The following MINDY3 variants were observed in gnomAD, a reference collection of about 807,000 sequenced individuals.
The protein encoded by MINDY3 is MINDY lysine 48 deubiquitinase 3, also known as ubiquitin carboxyl-terminal hydrolase MINDY-3.
In MINDY3, 38 loss-of-function variants were observed where a neutral mutation model predicts 69.2. The ratio of observed to expected loss-of-function variants is 0.55; its 90% CI spans 0.42 to 0.72. MINDY3 has a LOEUF of 0.72. Among genes scored for constraint, MINDY3 ranks in the 30% least tolerant of loss-of-function variants. The probability of loss-of-function intolerance (pLI) is 0.00; values close to 1 mark genes in which losing one functional copy is unlikely to be tolerated. For synonymous variants in MINDY3, 192 were observed against 180.1 expected (o/e 1.07, Z -0.53); for missense variants, 522 against 519.0 (o/e 1.01, Z -0.06).
intron 11 of MINDY3, among the ~76,000 whole-genome samples, chr10:15,791,563 G>A (rs1389231285): frequency 6.6e-6 from 1 of 151,956 alleles, no homozygotes; most frequent in Admixed American, 6.6e-5. Flanking sequence ...AGAGGGCAGA[G>A]CAGCCAGGAT....
At chr10:15,853,928 G>GAC (rs1812506922) in intron 1 of MINDY3, among the ~76,000 whole-genome samples, 5 of 152,094 alleles carry the variant, frequency 3.3e-5, no homozygotes, top group Admixed American at 3.3e-4. Flanking sequence ...CTGTGACTCT[G>GAC]ACAGCTTCTC....
chr10:15,848,074 G>C, intron 1 of MINDY3, 131 bp from the exon 2 acceptor site: 1 of 711,340 alleles, frequency 1.4e-6, no homozygotes, highest in Non-Finnish European at 2.4e-6. Flanking sequence ...ATGAGGTGTG[G>C]ATCAAGGAAC....
intron 11 of MINDY3, 74 bp from the exon 12 acceptor site, chr10:15,789,393 TC>T: frequency 8.7e-7 from 1 of 1,154,064 alleles, no homozygotes; most frequent in Non-Finnish European, 1.3e-6. Flanking sequence ...CTGATCAGGT[TC>T]CAGGAAAAAA....
At chr10:15,837,810 T>A in intron 5 of MINDY3, 1 of 979,234 alleles carries the variant, frequency 1.0e-6, no homozygotes, top group East Asian at 1.1e-4. Flanking sequence ...CTTTACCTTT[T>A]ACTTTGTAAT....
intron 10 of MINDY3, among the ~76,000 whole-genome samples, chr10:15,812,335 C>T (rs1839062877): frequency 6.6e-6 from 1 of 152,162 alleles, no homozygotes; most frequent in Non-Finnish European, 1.5e-5. Flanking sequence ...AAATATTACT[C>T]ACAACATCTT....
intron 1 of MINDY3, among the ~76,000 whole-genome samples, chr10:15,849,632 C>G (rs948236932): frequency 6.6e-6 from 1 of 152,000 alleles, no homozygotes; most frequent in African/African-American, 2.4e-5. Context: ...GGGGCAAAGG[C>G]TTGGTACAAA....
At chr10:15,786,335 T>TA (rs1399658071) in intron 13 of MINDY3, among the ~76,000 whole-genome samples, 1 of 152,170 alleles carries the variant, frequency 6.6e-6, no homozygotes, top group African/African-American at 2.4e-5. Flanking sequence ...TCATTATGTG[T>TA]ATAGACTGGT....
intron 2 of MINDY3, 46 bp downstream of exon 2, chr10:15,847,818 G>T: frequency 7.3e-7 from 1 of 1,378,716 alleles, no homozygotes; most frequent in Non-Finnish European, 1.0e-6. Flanking sequence ...AGTATGAAAC[G>T]TTTCAAAATG....
chr10:15,841,582 G>A lies in MINDY3; in HGVS notation c.253C>T (p.Leu85Phe), dbSNP rs746801132. 4.4e-6 allele frequency: 7 copies of A among 1,606,306 alleles called. No homozygotes were observed. The Admixed American group carries it at 1.0e-4, about 23-fold the overall frequency. ...ATATCACACAAGGTATGACAAAGGA[G>A]TTCCTTCTGCTCTTCCTCTAAAAAT... ...RDCSEEEQKE[L>F]LCHTLCDILE... The change falls in exon 4 of 15, where the codon CTC becomes TTC. Residue 85 changes from leucine (L) to phenylalanine (F), a missense_variant. Leu to Phe is a conservative substitution (Grantham distance 22). Coordinates refer to ENST00000277632, the MANE Select transcript of MINDY3 (RefSeq NM_024948.4).
chr10:15,842,818 GT>G (rs1156901979), intron 3 of MINDY3, among the ~76,000 whole-genome samples: 1 of 146,188 alleles, frequency 6.8e-6, no homozygotes, highest in Non-Finnish European at 1.5e-5. Flanking sequence ...ATTATTTGCA[GT>G]ATTTGCATTG....
chr10:15,833,613 A>G lies in MINDY3; in HGVS notation c.730+17T>C, dbSNP rs1230255858. On this transcript the variant is annotated intron_variant, in intron 8 of 14. Coordinates refer to ENST00000277632, the MANE Select transcript of MINDY3 (RefSeq NM_024948.4). ...ATTATTCATCAAAGAGAGCAACATA[A>G]CAAGGAATATACTTACTCATTCCTG... 3 of 1,470,120 alleles carry G rather than the reference A, an allele frequency of 2.0e-6. No homozygotes were observed. Among genetic ancestry groups the G allele is most frequent in the Non-Finnish European group, 1.9e-6 (2 of 1,051,514 alleles). The allele number at this position is 1,470,120 out of a possible 1,614,324, so 91.1% of individuals were successfully genotyped here. A position where few individuals can be genotyped will look rare whatever the true frequency, so the allele number is the denominator to read the frequency against.
At chr10:15,827,502 C>A (rs1323749426) in intron 8 of MINDY3, among the ~76,000 whole-genome samples, 1 of 151,388 alleles carries the variant, frequency 6.6e-6, no homozygotes, top group Non-Finnish European at 1.5e-5. Flanking sequence ...AGGATCGTGC[C>A]ACTGCACTCC....
At chr10:15,843,091 A>C in intron 3 of MINDY3, 121 bp downstream of exon 3, 1 of 807,086 alleles carries the variant, frequency 1.2e-6, no homozygotes, top group Non-Finnish European at 2.0e-6. Flanking sequence ...TTTCTAAAAC[A>C]TTTTAAAAGG....
At chr10:15,801,785 G>A (rs1314761988) in intron 10 of MINDY3, among the ~76,000 whole-genome samples, 1 of 152,020 alleles carries the variant, frequency 6.6e-6, no homozygotes, top group Non-Finnish European at 1.5e-5. Flanking sequence ...ATTCCTGCTA[G>A]AGAACACTGT....
chr10:15,781,750 C>T (rs1238794867), intron 14 of MINDY3, among the ~76,000 whole-genome samples: 1 of 152,142 alleles, frequency 6.6e-6, no homozygotes, highest in Non-Finnish European at 1.5e-5. Context: ...CGGGTAAATG[C>T]TCAATATATG....
intron 1 of MINDY3, among the ~76,000 whole-genome samples, chr10:15,856,100 T>G (rs75088045): frequency 0.14 from 20,673 of 151,988 alleles, 3,339 homozygotes; most frequent in African/African-American, 0.39. Flanking sequence ...AAAAAACTTT[T>G]AAACGATGTG....
At chr10:15,787,415 A>T (rs1382492884) in intron 12 of MINDY3, among the ~76,000 whole-genome samples, 7 of 152,156 alleles carry the variant, frequency 4.6e-5, no homozygotes, top group Admixed American at 3.9e-4. Context: ...GCTATCTCAA[A>T]CTATAAAGGC....
chr10:15,791,357 A>G (rs969541803), intron 11 of MINDY3, among the ~76,000 whole-genome samples: 6 of 152,030 alleles, frequency 3.9e-5, no homozygotes, highest in Non-Finnish European at 8.8e-5. Context: ...CTCCCTAGAG[A>G]ATAAGGAAAC....
At chr10:15,841,384 A>G in intron 4 of MINDY3, 42 bp downstream of exon 4, 1 of 1,496,644 alleles carries the variant, frequency 6.7e-7, no homozygotes, top group Non-Finnish European at 9.1e-7. Flanking sequence ...ATTAAAACAA[A>G]GGAACAAGAA....
Sources: allele counts gnomAD v4.1 joint callset (sites outside exome capture counted in the v4.1 genomes callset), GRCh38; gene constraint gnomAD v4.1.1; transcripts MANE v1.5; gene names NCBI Gene and HGNC (gene_info 2026-07-23, HGNC 2026-07-21).